The following LHFPL3 variants were observed in gnomAD, a reference collection of about 807,000 sequenced individuals.
LHFPL3 encodes LHFPL tetraspan subfamily member 3 protein.
Under a neutral mutation model 19.3 loss-of-function variants are expected in LHFPL3, and 5 were observed. The ratio of observed to expected loss-of-function variants is 0.26; its 90% confidence interval spans 0.14 to 0.54. LHFPL3 has a LOEUF of 0.54. Among genes scored for constraint, LHFPL3 ranks in the 20% least tolerant of loss-of-function variants. The pLI, the probability that LHFPL3 is intolerant of heterozygous loss-of-function variation, is 0.94. For missense variants in LHFPL3, 249 were observed against 307.4 expected (o/e 0.81, Z 1.42); for synonymous variants, 133 against 126.2 (o/e 1.05, Z -0.36).
intron 1 of LHFPL3, among the ~76,000 whole-genome samples, chr7:104,520,373 A>C (rs1434007323): frequency 2.1e-5 from 3 of 146,274 alleles, no homozygotes; most frequent in Non-Finnish European, 4.5e-5. Context: ...GGATTTTTGC[A>C]TCAATGTTCA....
chr7:104,709,846 G>A (rs1296288817), intron 1 of LHFPL3, among the ~76,000 whole-genome samples: 1 of 121,606 alleles, frequency 8.2e-6, no homozygotes, highest in Admixed American at 8.6e-5. Flanking sequence ...AGACTGGGCG[G>A]CCGGGCAGAG....
At chr7:104,341,614 G>A (rs1053555882) in intron 1 of LHFPL3, among the ~76,000 whole-genome samples, 10 of 152,222 alleles carry the variant, frequency 6.6e-5, no homozygotes, top group African/African-American at 2.2e-4. Context: ...ATGGTGAATA[G>A]TTCTGCTCTT....
intron 1 of LHFPL3, among the ~76,000 whole-genome samples, chr7:104,734,945 C>T (rs962538951): frequency 3.9e-5 from 6 of 152,166 alleles, no homozygotes; most frequent in African/African-American, 1.4e-4. Context: ...CAGTCAGGAC[C>T]CTCAGCTGCA....
chr7:104,667,653 T>A, intron 1 of LHFPL3: 1 of 896,450 alleles, frequency 1.1e-6, no homozygotes, highest in Non-Finnish European at 1.7e-6. Context: ...CAGCCAAGGG[T>A]AAATAGTAAC....
At chr7:104,562,562 G>A (rs778073368) in intron 1 of LHFPL3, among the ~76,000 whole-genome samples, 15,817 of 151,640 alleles carry the variant, frequency 0.1, 1,707 homozygotes, top group African/African-American at 0.28. Context: ...CTCTGTATTG[G>A]TTATTCTAGT....
intron 1 of LHFPL3, among the ~76,000 whole-genome samples, chr7:104,481,782 C>A (rs183226181): frequency 6.6e-6 from 1 of 152,218 alleles, no homozygotes; most frequent in East Asian, 1.9e-4. Flanking sequence ...AAAAAGCTAG[C>A]CCTGCCTCTA....
intron 1 of LHFPL3, among the ~76,000 whole-genome samples, chr7:104,710,275 A>C (rs1484537383): frequency 6.6e-6 from 1 of 152,248 alleles, no homozygotes; most frequent in East Asian, 1.9e-4. Context: ...ACCATTTCTC[A>C]GTAACAGGCT....
At position 104,892,708 on chromosome 7, in the gene LHFPL3, C is replaced by CA. The variant is rs35855839; in HGVS notation, c.683-13455dup. ...CCTGGGTGACAGAGTGAGACTGTCT[C>CA]AAAAAAAAAAAAAAAAAAAAAAAAT... On this transcript the variant is annotated intron_variant, in intron 2 of 2. Transcript: ENST00000424859. Among the ~76,000 whole-genome samples, 678 of 67,934 alleles carry CA rather than the reference C, an allele frequency of 1.0e-2. 4 individuals are homozygous for CA. Among genetic ancestry groups the CA allele is most frequent in the East Asian group, 0.02 (49 of 2,494 alleles). 44.6% of individuals were successfully genotyped at this position (67,934 alleles called of 152,430 possible).
At chr7:104,729,916 C>A (rs1793665502) in intron 1 of LHFPL3, among the ~76,000 whole-genome samples, 1 of 151,550 alleles carries the variant, frequency 6.6e-6, no homozygotes, top group Non-Finnish European at 1.5e-5. Flanking sequence ...CCACAACAGG[C>A]CCCAGTGTGT....
At chr7:104,490,965 G>A (rs79177039) in intron 1 of LHFPL3, among the ~76,000 whole-genome samples, 4,933 of 152,074 alleles carry the variant, frequency 0.032, 209 homozygotes, top group African/African-American at 0.085. Context: ...AGGTGTGGGT[G>A]AGCCCTCCAG....
rs188889764 is a variant in LHFPL3, at chr7:104,396,024, C to A, written c.445+66800C>A. ...AAGGCAGGTGGGACTGAGGGAAGGA[C>A]GCTTTGGAAGATCACCCAGACAGCT... On this transcript the variant is annotated intron_variant, in intron 1 of 2. Coordinates refer to ENST00000424859, the MANE Select transcript of LHFPL3 (RefSeq NM_199000.3). 9.9e-5 allele frequency among the ~76,000 whole-genome samples: 15 copies of A among 152,222 alleles called. 1 individual carries two copies. Among genetic ancestry groups the A allele is most frequent in the African/African-American group, 3.1e-4 (13 of 41,546 alleles).
intron 1 of LHFPL3, among the ~76,000 whole-genome samples, chr7:104,506,365 C>G (rs1043868309): frequency 6.6e-6 from 1 of 152,038 alleles, no homozygotes; most frequent in Non-Finnish European, 1.5e-5. Context: ...GATACACCTT[C>G]TCTGGGAAGC....
chr7:104,335,577 CATACAAT>C (rs1194788128), intron 1 of LHFPL3, among the ~76,000 whole-genome samples: 8 of 152,102 alleles, frequency 5.3e-5, no homozygotes, highest in Non-Finnish European at 1.0e-4. Context: ...CCATATAACC[CATACAAT>C]ATATTGTTAG....
At chr7:104,863,419 T>C (rs769319615) in intron 2 of LHFPL3, among the ~76,000 whole-genome samples, 1 of 152,210 alleles carries the variant, frequency 6.6e-6, no homozygotes, top group African/African-American at 2.4e-5. Context: ...TCTGGGTTTT[T>C]TTCCCATGTC....
intron 1 of LHFPL3, among the ~76,000 whole-genome samples, chr7:104,542,170 A>G (rs572943500): frequency 1.4e-4 from 21 of 152,196 alleles, no homozygotes; most frequent in African/African-American, 5.1e-4. Flanking sequence ...ATGACTGCCA[A>G]AACGAGGCGT....
intron 1 of LHFPL3, among the ~76,000 whole-genome samples, chr7:104,538,421 A>T (rs971145182): frequency 6.6e-6 from 1 of 152,230 alleles, no homozygotes; most frequent in South Asian, 2.1e-4. Context: ...TTATGGGGCC[A>T]TGAATGCTTG....
chr7:104,429,324 T>TTG (rs919785702), intron 1 of LHFPL3, among the ~76,000 whole-genome samples: 2 of 147,776 alleles, frequency 1.4e-5, no homozygotes, highest in African/African-American at 5.0e-5. Flanking sequence ...TTTTTTTTTT[T>TTG]GAGACAGAGT....
chr7:104,728,924 C>T (rs1192484130), intron 1 of LHFPL3, among the ~76,000 whole-genome samples: 2 of 152,134 alleles, frequency 1.3e-5, no homozygotes, highest in Admixed American at 6.6e-5. Context: ...GTTCAGAAAG[C>T]TTTGTATAAC....
At chr7:104,794,064 C>T (rs1790071825) in intron 2 of LHFPL3, among the ~76,000 whole-genome samples, 1 of 152,096 alleles carries the variant, frequency 6.6e-6, no homozygotes, top group East Asian at 1.9e-4. Flanking sequence ...ATTCACTGAA[C>T]ATACACGTAT....
Sources: allele counts gnomAD v4.1 joint callset (sites outside exome capture counted in the v4.1 genomes callset), GRCh38; gene constraint gnomAD v4.1.1; transcripts MANE v1.5; gene names NCBI Gene and HGNC (gene_info 2026-07-23, HGNC 2026-07-21).